Variants in NR3C2 observed in about 807,000 individuals in gnomAD.
The protein encoded by NR3C2 is mineralocorticoid receptor.
In NR3C2, 15 loss-of-function variants were observed where a neutral mutation model predicts 86.4. That is an observed-to-expected ratio of 0.17 (90% CI 0.12 to 0.27). The LOEUF (loss-of-function observed/expected upper bound fraction) is 0.27. Among genes scored for constraint, NR3C2 ranks in the 10% least tolerant of loss-of-function variants. The pLI is 1.00. For missense variants in NR3C2, 960 were observed against 1,195.6 expected (o/e 0.80, Z 2.91); for synonymous variants, 458 against 450.5 (o/e 1.02, Z -0.21).
chr4:148,240,753 G>A (rs761480649), intron 3 of NR3C2, among the ~76,000 whole-genome samples: 9 of 152,128 alleles, frequency 5.9e-5, no homozygotes, highest in Non-Finnish European at 1.2e-4. Context: ...TATTATTCCA[G>A]ACTAAAGGTC....
chr4:148,254,912 C>T (rs1157115561), intron 3 of NR3C2, among the ~76,000 whole-genome samples: 4 of 152,094 alleles, frequency 2.6e-5, no homozygotes, highest in African/African-American at 7.2e-5. Flanking sequence ...AATAAATATA[C>T]ATTAAATTAT....
chr4:148,235,262 T>TTATATATATATATATATATA (rs370271975), intron 3 of NR3C2, among the ~76,000 whole-genome samples: 198 of 143,728 alleles, frequency 1.4e-3, no homozygotes, highest in Admixed American at 2.7e-3. Context: ...TAAGTGGCAA[T>TTATATATATATATATATATA]TATATATATA....
chr4:148,146,930 T>C (rs1733896561), intron 6 of NR3C2, among the ~76,000 whole-genome samples: 1 of 152,146 alleles, frequency 6.6e-6, no homozygotes, highest in Non-Finnish European at 1.5e-5. Context: ...TCATTTCAGA[T>C]CTTATAAAAA....
At chr4:148,368,370 A>G (rs1746254724) in intron 2 of NR3C2, 1 of 152,172 alleles carries the variant, frequency 6.6e-6, no homozygotes, top group Admixed American at 6.5e-5. Flanking sequence ...GATGTGCTTC[A>G]ATATTAAGTG....
intron 2 of NR3C2, among the ~76,000 whole-genome samples, chr4:148,280,503 A>T (rs1266306706): frequency 6.6e-6 from 1 of 151,908 alleles, no homozygotes; most frequent in Non-Finnish European, 1.5e-5. Flanking sequence ...AATAAAATTA[A>T]TTCTCTTACT....
At chr4:148,236,956 T>C (rs1738777788) in intron 3 of NR3C2, among the ~76,000 whole-genome samples, 1 of 152,246 alleles carries the variant, frequency 6.6e-6, no homozygotes, top group African/African-American at 2.4e-5. Flanking sequence ...CTCCTACTTT[T>C]GGAAAGCATT....
chr4:148,091,327 C>G (rs1020923649), intron 8 of NR3C2, among the ~76,000 whole-genome samples: 13 of 152,248 alleles, frequency 8.5e-5, no homozygotes, highest in Non-Finnish European at 1.5e-4. Flanking sequence ...TTCCCCCAAC[C>G]CTGGCCTGCT....
intron 6 of NR3C2, among the ~76,000 whole-genome samples, chr4:148,133,708 G>A (rs1733143959): frequency 1.3e-5 from 2 of 152,176 alleles, no homozygotes; most frequent in South Asian, 4.1e-4. Context: ...GGCGCAGGAT[G>A]GTGTAGAGAA....
intron 2 of NR3C2, among the ~76,000 whole-genome samples, chr4:148,278,584 C>T (rs1342775626): frequency 6.6e-6 from 1 of 151,992 alleles, no homozygotes; most frequent in Non-Finnish European, 1.5e-5. Flanking sequence ...CGCGCACACA[C>T]ACACCCACAC....
At chr4:148,308,028 A>C (rs1418200882) in intron 2 of NR3C2, among the ~76,000 whole-genome samples, 1 of 152,074 alleles carries the variant, frequency 6.6e-6, no homozygotes, top group African/African-American at 2.4e-5. Context: ...TGGATTTCTA[A>C]GTTTTGCTTA....
intron 8 of NR3C2, among the ~76,000 whole-genome samples, chr4:148,103,410 C>T (rs916742353): frequency 1.3e-5 from 2 of 152,190 alleles, no homozygotes; most frequent in Admixed American, 6.5e-5. Context: ...CCACGTGTGC[C>T]TCCCCTGCCA....
intron 6 of NR3C2, among the ~76,000 whole-genome samples, chr4:148,148,766 A>T (rs908046877): frequency 6.6e-6 from 1 of 152,084 alleles, no homozygotes; most frequent in African/African-American, 2.4e-5. Context: ...TCCTTTCAAT[A>T]CTTATCACAA....
chr4:148,113,244 A>G (rs1248719512), intron 8 of NR3C2, among the ~76,000 whole-genome samples: 2 of 152,242 alleles, frequency 1.3e-5, no homozygotes, highest in Non-Finnish European at 1.5e-5. Flanking sequence ...AATAATGAAT[A>G]TAAGACTCAA....
intron 2 of NR3C2, among the ~76,000 whole-genome samples, chr4:148,407,203 A>G (rs1748470010): frequency 1.3e-5 from 2 of 152,176 alleles, no homozygotes. Flanking sequence ...CAAGCAGTGT[A>G]ATTTCAATCC....
chr4:148,159,133 G>A (rs1043897498), intron 4 of NR3C2, among the ~76,000 whole-genome samples: 2 of 152,142 alleles, frequency 1.3e-5, no homozygotes, highest in Non-Finnish European at 2.9e-5. Flanking sequence ...GCTCTTCAAA[G>A]TGGGTAATAA....
rs1737056858 is a variant in NR3C2 at position 148,207,344 on chromosome 4, T to C, written c.1898-12482A>G. 2.0e-5 allele frequency among the ~76,000 whole-genome samples: 3 copies of C among 152,196 alleles called. No individual in the cohort carries two copies. In the South Asian group the frequency reaches 6.2e-4, roughly 32 times the overall value. On this transcript the variant is annotated intron_variant, in intron 3 of 8. Coordinates refer to ENST00000358102, the MANE Select transcript of NR3C2 (RefSeq NM_000901.5). The stretch of plus-strand genomic sequence containing the variant: ...AAGTCTGACAAAAGCCCATGCTCAC[T>C]AGAATCACCTGGCCAGTCAAACAGA...
chr4:148,382,298 C>A (rs1747036689), intron 2 of NR3C2, among the ~76,000 whole-genome samples: 1 of 152,228 alleles, frequency 6.6e-6, no homozygotes, highest in South Asian at 2.1e-4. Context: ...ACCTCCTCCT[C>A]AGTGCCAAAC....
At chr4:148,441,097 C>T (rs1750316309) in intron 1 of NR3C2, among the ~76,000 whole-genome samples, 1 of 152,180 alleles carries the variant, frequency 6.6e-6, no homozygotes, top group Admixed American at 6.5e-5. Context: ...CCCAAGGTCA[C>T]CTGAGAGAGC....
chr4:148,291,223 T>C (rs1741783218), intron 2 of NR3C2, among the ~76,000 whole-genome samples: 2 of 152,196 alleles, frequency 1.3e-5, no homozygotes, highest in Non-Finnish European at 2.9e-5. Context: ...AACCTGTAAT[T>C]AGATTATGAC....
Sources: allele counts gnomAD v4.1 joint callset (sites outside exome capture counted in the v4.1 genomes callset), GRCh38; gene constraint gnomAD v4.1.1; transcripts MANE v1.5; gene names NCBI Gene and HGNC (gene_info 2026-07-23, HGNC 2026-07-21).